Variants in DDX10 observed in about 807,000 individuals in gnomAD.
DDX10 encodes probable ATP-dependent RNA helicase DDX10.
In DDX10, 74 loss-of-function variants were observed where a neutral mutation model predicts 104.3. The observed-to-expected ratio is 0.71, with a 90% confidence interval of 0.59 to 0.86. DDX10 has a LOEUF of 0.86. Ranked by LOEUF, DDX10 falls within the 40% of genes least tolerant of loss-of-function variation. The pLI, the probability that DDX10 is intolerant of heterozygous loss-of-function variation, is 0.00. For missense variants in DDX10, 952 were observed against 1,040.0 expected, an observed-to-expected ratio of 0.92 and a Z score of 1.16; for synonymous variants, 351 against 353.4, an observed-to-expected ratio of 0.99 and a Z score of 0.08.
chr11:108,701,109 A>G (rs1282772062), intron 9 of DDX10, among the ~76,000 whole-genome samples: 2 of 152,040 alleles, frequency 1.3e-5, no homozygotes, highest in Non-Finnish European at 1.5e-5. Context: ...TCTTTTCCCC[A>G]GAATATTTCC....
chr11:108,848,211 T>A (rs888541657), intron 15 of DDX10, among the ~76,000 whole-genome samples: 3 of 152,228 alleles, frequency 2.0e-5, no homozygotes, highest in African/African-American at 7.2e-5. Context: ...ATACCACTTA[T>A]TCCTGAATGT....
At chr11:108,710,435 T>C (rs986946791) in intron 10 of DDX10, among the ~76,000 whole-genome samples, 8 of 152,168 alleles carry the variant, frequency 5.3e-5, no homozygotes, top group African/African-American at 1.9e-4. Flanking sequence ...TAAAAATATT[T>C]GTTTTCCCTT....
intron 2 of DDX10, among the ~76,000 whole-genome samples, chr11:108,674,125 C>T (rs536082402): frequency 2.0e-5 from 3 of 152,148 alleles, no homozygotes; most frequent in Non-Finnish European, 2.9e-5. Context: ...AGTTTGAGAC[C>T]AGCCTGGCCA....
chr11:108,778,095 A>G (rs1378099288), intron 13 of DDX10, among the ~76,000 whole-genome samples: 1 of 152,222 alleles, frequency 6.6e-6, no homozygotes, highest in African/African-American at 2.4e-5. Context: ...GGAAGAGTCA[A>G]TATTGTGAAG....
At chr11:108,724,829 A>G (rs866514358) in intron 13 of DDX10, among the ~76,000 whole-genome samples, 27 of 152,186 alleles carry the variant, frequency 1.8e-4, no homozygotes, top group Middle Eastern at 6.8e-3. Context: ...TAGCAAAACA[A>G]CTTTTTAAGC....
chr11:108,795,534 C>A (rs1435769711), intron 13 of DDX10, among the ~76,000 whole-genome samples: 2 of 136,890 alleles, frequency 1.5e-5, no homozygotes, highest in Non-Finnish European at 3.1e-5. Flanking sequence ...ATGTTGCCCA[C>A]CCTGTGTCCA....
At chr11:108,841,508 A>G in intron 15 of DDX10, 32 bp downstream of exon 15, 1 of 1,599,634 alleles carries the variant, frequency 6.3e-7, no homozygotes, top group Non-Finnish European at 8.5e-7. Context: ...CATACTGAGT[A>G]AAATTTAGTG....
intron 16 of DDX10, among the ~76,000 whole-genome samples, chr11:108,899,793 T>TTC (rs1863491619): frequency 6.6e-6 from 1 of 151,926 alleles, no homozygotes; most frequent in Non-Finnish European, 1.5e-5. Context: ...AGTGAGTGAG[T>TTC]TCTCATGAGA....
intron 16 of DDX10, among the ~76,000 whole-genome samples, chr11:108,912,243 G>A (rs1863689973): frequency 2.6e-5 from 4 of 152,032 alleles, no homozygotes; most frequent in Admixed American, 2.6e-4. Context: ...TTTTAAGGGT[G>A]CTAATTCCAT....
intron 13 of DDX10, among the ~76,000 whole-genome samples, chr11:108,836,879 A>G (rs1862562728): frequency 6.6e-6 from 1 of 152,212 alleles, no homozygotes; most frequent in South Asian, 2.1e-4. Context: ...ACTTACTACC[A>G]TAATGTAACA....
chr11:108,699,673 G>T (rs538173418), intron 9 of DDX10, among the ~76,000 whole-genome samples: 1 of 152,326 alleles, frequency 6.6e-6, no homozygotes, highest in South Asian at 2.1e-4. Flanking sequence ...TTGCATGTCA[G>T]TTCTGTTCCT....
chr11:108,773,010 T>G (rs938021319), intron 13 of DDX10, among the ~76,000 whole-genome samples: 2 of 152,228 alleles, frequency 1.3e-5, no homozygotes, highest in South Asian at 4.1e-4. Flanking sequence ...CCATGCAGAC[T>G]TCTGGAAAGG....
At chr11:108,868,574 A>G (rs61915169) in intron 16 of DDX10, among the ~76,000 whole-genome samples, 72 of 152,058 alleles carry the variant, frequency 4.7e-4, no homozygotes, top group Non-Finnish European at 7.4e-4. Flanking sequence ...TGGCTTCATG[A>G]TACACTGAGT....
At chr11:108,697,631 A>G (rs1213467043) in intron 9 of DDX10, among the ~76,000 whole-genome samples, 3 of 152,124 alleles carry the variant, frequency 2.0e-5, no homozygotes, top group Non-Finnish European at 4.4e-5. Flanking sequence ...TAACCAGCAC[A>G]CCCCTTTTAA....
chr11:108,897,546 T>C (rs981938993), intron 16 of DDX10, among the ~76,000 whole-genome samples: 1 of 152,194 alleles, frequency 6.6e-6, no homozygotes, highest in Non-Finnish European at 1.5e-5. Flanking sequence ...ATCAAACTTC[T>C]AGGCCGCCAA....
At chr11:108,787,026 G>T (rs1861803928) in intron 13 of DDX10, among the ~76,000 whole-genome samples, 1 of 152,156 alleles carries the variant, frequency 6.6e-6, no homozygotes, top group African/African-American at 2.4e-5. Flanking sequence ...AGGACCTCTT[G>T]TAAGGCTGGT....
chr11:108,876,913 G>A (rs1443739311), intron 16 of DDX10, among the ~76,000 whole-genome samples: 3 of 152,190 alleles, frequency 2.0e-5, no homozygotes, highest in East Asian at 3.9e-4. Flanking sequence ...TACTAGTAGT[G>A]TCCAGATAAA....
intron 13 of DDX10, among the ~76,000 whole-genome samples, chr11:108,837,621 T>TTTTTTTTTTTTTTTTTTTTTTTTG (rs1862574256): frequency 8.5e-6 from 1 of 118,016 alleles, no homozygotes; most frequent in Non-Finnish European, 1.7e-5. Flanking sequence ...TTTTTTTTTT[T>TTTTTTTTTTTTTTTTTTTTTTTTG]TTTTTTTTTT....
chr11:108,744,568 G>A (rs748679947), intron 13 of DDX10, among the ~76,000 whole-genome samples: 1 of 152,134 alleles, frequency 6.6e-6, no homozygotes, highest in African/African-American at 2.4e-5. Context: ...GGGAGTGTTA[G>A]TTGACCTTAA....
Sources: allele counts gnomAD v4.1 joint callset (sites outside exome capture counted in the v4.1 genomes callset), GRCh38; gene constraint gnomAD v4.1.1; transcripts MANE v1.5; gene names NCBI Gene and HGNC (gene_info 2026-07-23, HGNC 2026-07-21).